The following CDH13 variants were observed in gnomAD, a reference collection of about 807,000 sequenced individuals.
The protein encoded by CDH13 is cadherin 13, also known as cadherin-13.
In CDH13, 24 loss-of-function variants were observed where a neutral mutation model predicts 63.8. That is an observed-to-expected ratio of 0.38 (90% CI 0.27 to 0.53). The LOEUF is 0.53. Among genes scored for constraint, CDH13 ranks in the 20% least tolerant of loss-of-function variants. CDH13 has a pLI of 0.85. For missense variants in CDH13, 1,049 were observed against 903.1 expected, an observed-to-expected ratio of 1.16 and a Z score of -2.07; for synonymous variants, 503 against 355.3, an observed-to-expected ratio of 1.42 and a Z score of -4.67.
At chr16:83,788,374 C>T (rs1916025317) in intron 13 of CDH13, among the ~76,000 whole-genome samples, 1 of 152,078 alleles carries the variant, frequency 6.6e-6, no homozygotes, top group Admixed American at 6.5e-5. Context: ...AGCTCAAAGC[C>T]CAGTGTTTGG....
chr16:82,928,898 G>A (rs188317852), intron 2 of CDH13, among the ~76,000 whole-genome samples: 2 of 152,238 alleles, frequency 1.3e-5, no homozygotes, highest in Non-Finnish European at 1.5e-5. Flanking sequence ...TATTGATAAA[G>A]CCTCCATTTT....
At chr16:83,243,535 G>C (rs745555674) in intron 5 of CDH13, among the ~76,000 whole-genome samples, 1 of 152,068 alleles carries the variant, frequency 6.6e-6, no homozygotes, top group Non-Finnish European at 1.5e-5. Flanking sequence ...ATGAGATTTG[G>C]GTGGGGACAC....
chr16:82,840,123 A>T (rs1236080763), intron 1 of CDH13, among the ~76,000 whole-genome samples: 1 of 152,146 alleles, frequency 6.6e-6, no homozygotes, highest in East Asian at 1.9e-4. Flanking sequence ...CACCTTCCCC[A>T]CAATGAAAGT....
intron 9 of CDH13, among the ~76,000 whole-genome samples, chr16:83,672,409 CTTTTTTTTTTTTTTTTTTTT>C (rs34156503): frequency 0.026 from 911 of 35,312 alleles, 46 homozygotes; most frequent in African/African-American, 0.088. Context: ...TCTGGATTCT[CTTTTTTTTTTTTTTTTTTTT>C]TTTTTTTTTT....
chr16:82,674,088 AC>A (rs1230848729), intron 1 of CDH13, among the ~76,000 whole-genome samples: 4 of 152,228 alleles, frequency 2.6e-5, no homozygotes, highest in African/African-American at 9.7e-5. Flanking sequence ...TTAAGAACGT[AC>A]ATTTGAAGGT....
chr16:83,759,706 C>T (rs1913803123), intron 11 of CDH13, among the ~76,000 whole-genome samples: 1 of 152,014 alleles, frequency 6.6e-6, no homozygotes, highest in Non-Finnish European at 1.5e-5. Context: ...GTGGGCAGAT[C>T]ACTTGAGCCA....
At chr16:82,672,778 CACACACACACACACACACACACAT>C (rs1478674938) in intron 1 of CDH13, among the ~76,000 whole-genome samples, 2 of 148,588 alleles carry the variant, frequency 1.3e-5, no homozygotes, top group Admixed American at 1.3e-4. Flanking sequence ...TACACACACA[CACACACACACACACACACACACAT>C]ACACACACAC....
intron 2 of CDH13, among the ~76,000 whole-genome samples, chr16:82,963,102 G>A (rs1162786506): frequency 6.6e-6 from 1 of 152,092 alleles, no homozygotes; most frequent in African/African-American, 2.4e-5. Context: ...CAGGTGTGGT[G>A]GCTCACACCT....
chr16:82,707,929 GC>G (rs2031621043), intron 1 of CDH13, among the ~76,000 whole-genome samples: 1 of 152,066 alleles, frequency 6.6e-6, no homozygotes, highest in African/African-American at 2.4e-5. Flanking sequence ...AAATCCAATG[GC>G]TTGATAAGAT....
intron 6 of CDH13, among the ~76,000 whole-genome samples, chr16:83,406,562 C>T (rs980715838): frequency 6.6e-6 from 1 of 152,132 alleles, no homozygotes; most frequent in African/African-American, 2.4e-5. Context: ...CTCCTGGGTT[C>T]CAGCGATTCT....
chr16:83,712,305 G>C (rs1908185510), intron 10 of CDH13, among the ~76,000 whole-genome samples: 2 of 152,182 alleles, frequency 1.3e-5, no homozygotes, highest in South Asian at 4.1e-4. Flanking sequence ...AGCACTGGGG[G>C]CTCTTGCGAT....
At chr16:82,629,906 C>A (rs1907803762) in intron 1 of CDH13, among the ~76,000 whole-genome samples, 1 of 152,202 alleles carries the variant, frequency 6.6e-6, no homozygotes, top group African/African-American at 2.4e-5. Context: ...ATTCCCCTCC[C>A]TATTTGGGTA....
intron 2 of CDH13, among the ~76,000 whole-genome samples, chr16:82,938,276 G>A (rs1437157563): frequency 6.6e-6 from 1 of 152,186 alleles, no homozygotes; most frequent in Non-Finnish European, 1.5e-5. Context: ...ACATGAAAAG[G>A]AATCGTGATA....
intron 3 of CDH13, among the ~76,000 whole-genome samples, chr16:83,059,075 C>A (rs546799380): frequency 1.4e-4 from 22 of 152,048 alleles, no homozygotes; most frequent in Non-Finnish European, 5.9e-5. Flanking sequence ...GAGGTGGTCC[C>A]AGGAAGCAGA....
chr16:83,149,474 G>A (rs2036884102), intron 4 of CDH13, among the ~76,000 whole-genome samples: 1 of 152,202 alleles, frequency 6.6e-6, no homozygotes, highest in African/African-American at 2.4e-5. Flanking sequence ...CAGGAACTGA[G>A]AGGGGATATG....
intron 9 of CDH13, among the ~76,000 whole-genome samples, chr16:83,673,548 C>A (rs1301110925): frequency 6.6e-6 from 1 of 150,544 alleles, no homozygotes; most frequent in Non-Finnish European, 1.5e-5. Context: ...CCAACCTTGG[C>A]AACAGAGTGA....
At chr16:83,272,369 A>G (rs1379068776) in intron 5 of CDH13, among the ~76,000 whole-genome samples, 2 of 152,226 alleles carry the variant, frequency 1.3e-5, no homozygotes, top group East Asian at 3.8e-4. Context: ...GTAATGTGAG[A>G]CTGTGAACCA....
intron 8 of CDH13, among the ~76,000 whole-genome samples, chr16:83,622,762 G>C (rs1909930826): frequency 6.6e-6 from 1 of 152,152 alleles, no homozygotes; most frequent in Non-Finnish European, 1.5e-5. Flanking sequence ...GAGATAATGT[G>C]CTTCTTCAAG....
chr16:83,033,894 T>C (rs1467944419), intron 3 of CDH13, among the ~76,000 whole-genome samples: 1 of 152,104 alleles, frequency 6.6e-6, no homozygotes, highest in Non-Finnish European at 1.5e-5. Flanking sequence ...AGCTTGGTCT[T>C]CCTCGATTTT....
Sources: allele counts gnomAD v4.1 joint callset (sites outside exome capture counted in the v4.1 genomes callset), GRCh38; gene constraint gnomAD v4.1.1; transcripts MANE v1.5; gene names NCBI Gene and HGNC (gene_info 2026-07-23, HGNC 2026-07-21).